FIG4: variants seen among roughly 807,000 people sequenced by gnomAD.
The protein encoded by FIG4 is FIG4 phosphoinositide 5-phosphatase, also known as polyphosphoinositide phosphatase.
FIG4 carries 112 observed loss-of-function variants against 118.6 expected under a neutral mutation model. That is an observed-to-expected ratio of 0.94 (90% CI 0.81 to 1.11). FIG4 has a LOEUF of 1.11. Ranked by LOEUF, FIG4 falls within the 50% of genes least tolerant of loss-of-function variation. The probability of loss-of-function intolerance (pLI) is 0.00; values close to 1 mark genes in which losing one functional copy is unlikely to be tolerated. For synonymous variants in FIG4, 369 were observed against 381.2 expected (o/e 0.97, Z 0.37); for missense variants, 969 against 1,111.7 (o/e 0.87, Z 1.83).
At chr6:109,739,320 A>G (rs1776252555) in intron 7 of FIG4, among the ~76,000 whole-genome samples, 1 of 152,102 alleles carries the variant, frequency 6.6e-6, no homozygotes, top group South Asian at 2.1e-4. Context: ...AAGTGCAATT[A>G]TGGGGTTTAA....
chr6:109,699,502 T>G (rs868090138), intron 1 of FIG4, among the ~76,000 whole-genome samples: 26 of 151,612 alleles, frequency 1.7e-4, no homozygotes, highest in Admixed American at 3.9e-4. Flanking sequence ...TTGTTTGTTT[T>G]TTTTTTGTTT....
At chr6:109,792,741 T>A in intron 21 of FIG4, 77 bp downstream of exon 21, 4 of 675,204 alleles carry the variant, frequency 5.9e-6, no homozygotes, top group Non-Finnish European at 4.8e-6. Context: ...TATACCTTTT[T>A]TTTTTTTTTT....
At chr6:109,802,924 A>G (rs1778462144) in intron 22 of FIG4, among the ~76,000 whole-genome samples, 1 of 152,194 alleles carries the variant, frequency 6.6e-6, no homozygotes, top group South Asian at 2.1e-4. Context: ...TGTTTTTACA[A>G]TTTAACATAT....
At chr6:109,819,263 C>A (rs907023831) in intron 22 of FIG4, among the ~76,000 whole-genome samples, 1 of 152,142 alleles carries the variant, frequency 6.6e-6, no homozygotes, top group Non-Finnish European at 1.5e-5. Context: ...TTAGTAGTGA[C>A]CTCATCCCAC....
At chr6:109,730,883 A>G (rs1775979593) in intron 4 of FIG4, among the ~76,000 whole-genome samples, 1 of 152,146 alleles carries the variant, frequency 6.6e-6, no homozygotes, top group African/African-American at 2.4e-5. Flanking sequence ...AAACAATGCT[A>G]TATTTGATAC....
chr6:109,786,490 T>G (rs748108696), intron 18 of FIG4, 41 bp downstream of exon 18: 2 of 1,608,066 alleles, frequency 1.2e-6, no homozygotes, highest in South Asian at 2.2e-5. Flanking sequence ...ATTTGAGAAC[T>G]GTAGTTTTCC....
chr6:109,806,796 C>G (rs1778577823), intron 22 of FIG4, among the ~76,000 whole-genome samples: 1 of 151,992 alleles, frequency 6.6e-6, no homozygotes, highest in Non-Finnish European at 1.5e-5. Context: ...CGCAACAGGC[C>G]CTCCCTGTGT....
At chr6:109,732,597 T>G in intron 4 of FIG4, 40 bp from the exon 5 acceptor site, 1 of 996,720 alleles carries the variant, frequency 1.0e-6, no homozygotes, top group Non-Finnish European at 1.6e-6. Context: ...GAAATAATAG[T>G]ATTGGACAAA....
chr6:109,691,586 T>A (rs1479898877), intron 1 of FIG4, 85 bp downstream of exon 1: 11 of 1,154,936 alleles, frequency 9.5e-6, no homozygotes, highest in South Asian at 7.9e-5. Flanking sequence ...GGCTGTACTC[T>A]GCCTCCTCCT....
intron 22 of FIG4, among the ~76,000 whole-genome samples, chr6:109,819,912 T>A (rs1462207878): frequency 6.6e-6 from 1 of 152,226 alleles, no homozygotes; most frequent in Non-Finnish European, 1.5e-5. Flanking sequence ...TAAATCTTTC[T>A]TAAAAAGCCA....
intron 4 of FIG4, among the ~76,000 whole-genome samples, chr6:109,730,014 A>G (rs1006556057): frequency 6.6e-6 from 1 of 152,048 alleles, no homozygotes; most frequent in Non-Finnish European, 1.5e-5. Flanking sequence ...GAGTCTTGAT[A>G]TCTTGAAGAT....
intron 16 of FIG4, among the ~76,000 whole-genome samples, chr6:109,782,090 C>T (rs961083730): frequency 2.0e-5 from 3 of 152,002 alleles, no homozygotes; most frequent in Admixed American, 2.0e-4. Flanking sequence ...CCTATGGAAC[C>T]GAGAACTCTT....
At chr6:109,750,638 A>T (rs1244573638) in intron 10 of FIG4, among the ~76,000 whole-genome samples, 2 of 152,082 alleles carry the variant, frequency 1.3e-5, no homozygotes, top group African/African-American at 2.4e-5. Context: ...GTCTCTTTAT[A>T]AAAAAAGAAA....
At chr6:109,814,322 G>A (rs1046469741) in intron 22 of FIG4, among the ~76,000 whole-genome samples, 1 of 141,378 alleles carries the variant, frequency 7.1e-6, no homozygotes, top group Non-Finnish European at 1.5e-5. Flanking sequence ...AATTTTTTTT[G>A]TAGAGATGGG....
At chr6:109,698,091 T>C (rs970804283) in intron 1 of FIG4, among the ~76,000 whole-genome samples, 1 of 152,072 alleles carries the variant, frequency 6.6e-6, no homozygotes, top group African/African-American at 2.4e-5. Context: ...GGTTTCACTA[T>C]GTTGGCCAGG....
chr6:109,782,245 C>T (rs529250857), intron 16 of FIG4, among the ~76,000 whole-genome samples: 78 of 152,154 alleles, frequency 5.1e-4, no homozygotes, highest in Non-Finnish European at 4.9e-4. Context: ...ATTGTTCTTC[C>T]TCTGGATAAA....
At chr6:109,793,793 G>A (rs1220089261) in intron 21 of FIG4, among the ~76,000 whole-genome samples, 1 of 152,088 alleles carries the variant, frequency 6.6e-6, no homozygotes, top group Non-Finnish European at 1.5e-5. Context: ...AATATAAAAT[G>A]CACAGCATTT....
intron 17 of FIG4, chr6:109,786,008 G>A: frequency 2.5e-6 from 1 of 392,658 alleles, no homozygotes; most frequent in Non-Finnish European, 4.7e-6. Flanking sequence ...TTATTTAAGA[G>A]CAAAAAGGAA....
chr6:109,692,982 C>G (rs1019646555), intron 1 of FIG4, among the ~76,000 whole-genome samples: 1 of 152,184 alleles, frequency 6.6e-6, no homozygotes, highest in African/African-American at 2.4e-5. Flanking sequence ...CCGCATCTGG[C>G]CGTAAATAAA....
Sources: gnomAD v4.1 joint callset for allele counts (sites outside exome capture counted in the v4.1 genomes callset) on GRCh38, gnomAD v4.1.1 for gene constraint, MANE v1.5 for transcripts, NCBI Gene and HGNC (gene_info 2026-07-23, HGNC 2026-07-21) for gene names.